GPR158: variants seen among roughly 807,000 people sequenced by gnomAD.
The protein encoded by GPR158 is metabotropic glycine receptor.
GPR158 carries 30 observed loss-of-function variants against 78.2 expected under a neutral mutation model. The observed-to-expected ratio is 0.38, with a 90% CI of 0.29 to 0.52. GPR158 has a LOEUF of 0.52. Ranked by LOEUF, GPR158 falls within the 20% of genes least tolerant of loss-of-function variation. The probability of loss-of-function intolerance (pLI) is 0.83; values close to 1 mark genes in which losing one functional copy is unlikely to be tolerated. For synonymous variants in GPR158, 581 were observed against 591.1 expected, an observed-to-expected ratio of 0.98 and a Z score of 0.25; for missense variants, 1,463 against 1,523.5, an observed-to-expected ratio of 0.96 and a Z score of 0.66.
Position 25,229,876 on chromosome 10 carries a change from T to A in GPR158, c.1008+8719T>A, listed in dbSNP as rs116643837. ...TTTCATAAAGTAATTGCTGTGAAAA[T>A]CCAGCATCCTTCTCAGTAGGAGAGG... On this transcript the variant is annotated intron_variant, in intron 2 of 10. Coordinates refer to ENST00000376351, the MANE Select transcript of GPR158 (RefSeq NM_020752.3). Among the ~76,000 whole-genome samples, 486 of 152,256 alleles carry A rather than the reference T, an allele frequency of 3.2e-3. 5 individuals carry two copies. Among genetic ancestry groups the A allele is most frequent in the African/African-American group, 0.011 (475 of 41,550 alleles).
In GPR158 at chr10:25,249,312, C is replaced by T. The variant is rs200706473; in HGVS notation, c.1008+28155C>T. 1.7e-3 allele frequency among the ~76,000 whole-genome samples: 265 copies of T among 152,308 alleles called. 6 individuals are homozygous for T. In the East Asian group the frequency reaches 0.044, roughly 26 times the overall value. On this transcript the variant is annotated intron_variant, in intron 2 of 10. Coordinates refer to ENST00000376351, the MANE Select transcript of GPR158 (RefSeq NM_020752.3). ...ATTGAATACCCTTTATTTCCTTCTC[C>T]TGCCTAATCGCCCTGGCCAGAACTT...
chr10:25,410,578 T>G (rs1461293678), intron 3 of GPR158, among the ~76,000 whole-genome samples: 5 of 152,176 alleles, frequency 3.3e-5, no homozygotes, highest in Non-Finnish European at 7.4e-5. Flanking sequence ...ATGATGCCAC[T>G]GCACTCCAGC....
At chr10:25,540,605 T>C (rs1256947472) in intron 5 of GPR158, among the ~76,000 whole-genome samples, 5 of 151,980 alleles carry the variant, frequency 3.3e-5, no homozygotes, top group African/African-American at 9.7e-5. Context: ...TGGAATACTA[T>C]GCAGCCATAA....
intron 2 of GPR158, among the ~76,000 whole-genome samples, chr10:25,302,114 CAGGCTGG>C: frequency 6.7e-6 from 1 of 149,646 alleles, no homozygotes; most frequent in East Asian, 1.9e-4. Context: ...CTCTGTCGCC[CAGGCTGG>C]AGTGCAGTGG....
chr10:25,491,920 C>T (rs1324792713), intron 5 of GPR158, among the ~76,000 whole-genome samples: 3 of 152,092 alleles, frequency 2.0e-5, no homozygotes, highest in Non-Finnish European at 4.4e-5. Context: ...TGAAGAACAT[C>T]CTTGTCTTGG....
At chr10:25,419,021 ATGT>A (rs1299868820) in intron 4 of GPR158, among the ~76,000 whole-genome samples, 4 of 152,000 alleles carry the variant, frequency 2.6e-5, no homozygotes, top group East Asian at 1.9e-4. Context: ...GTTAATTATG[ATGT>A]TCTAATGACT....
chr10:25,568,321 C>T (rs112256772), intron 6 of GPR158, among the ~76,000 whole-genome samples: 15 of 152,262 alleles, frequency 9.9e-5, no homozygotes, highest in African/African-American at 3.4e-4. Flanking sequence ...AACATGGCCA[C>T]ATTTAGGAGA....
chr10:25,367,813 A>T (rs1435224290), intron 2 of GPR158, among the ~76,000 whole-genome samples: 1 of 151,536 alleles, frequency 6.6e-6, no homozygotes, highest in Non-Finnish European at 1.5e-5. Context: ...TTGCCTTAAG[A>T]TCTACTTTGT....
intron 1 of GPR158, among the ~76,000 whole-genome samples, chr10:25,189,611 G>C (rs779211581): frequency 4.0e-5 from 6 of 150,470 alleles, no homozygotes; most frequent in Non-Finnish European, 5.9e-5. Context: ...ACAGGAAGGG[G>C]AACATCACAC....
intron 4 of GPR158, among the ~76,000 whole-genome samples, chr10:25,447,218 CAT>C (rs1020828965): frequency 5.3e-5 from 8 of 152,090 alleles, no homozygotes; most frequent in Non-Finnish European, 1.0e-4. Context: ...AATGAGTACA[CAT>C]ATATATTTTA....
At chr10:25,521,408 T>G (rs1836271249) in intron 5 of GPR158, among the ~76,000 whole-genome samples, 2 of 152,228 alleles carry the variant, frequency 1.3e-5, no homozygotes, top group Admixed American at 1.3e-4. Context: ...TGTTATCTAT[T>G]TCACTGAAGA....
intron 1 of GPR158, among the ~76,000 whole-genome samples, chr10:25,200,674 T>C (rs959310252): frequency 6.6e-6 from 1 of 152,152 alleles, no homozygotes; most frequent in African/African-American, 2.4e-5. Flanking sequence ...GATTTTTGTA[T>C]ATGGTGTAAG....
intron 2 of GPR158, among the ~76,000 whole-genome samples, chr10:25,315,588 A>G (rs1854835467): frequency 6.6e-6 from 1 of 152,038 alleles, no homozygotes; most frequent in African/African-American, 2.4e-5. Context: ...CATTGATATG[A>G]CTATTGTATT....
intron 2 of GPR158, among the ~76,000 whole-genome samples, chr10:25,306,995 A>G (rs1854686155): frequency 1.4e-5 from 2 of 146,214 alleles, no homozygotes; most frequent in Non-Finnish European, 3.0e-5. Context: ...ACACACACAC[A>G]CACATACGCA....
At chr10:25,581,335 C>G (rs1837196219) in intron 7 of GPR158, among the ~76,000 whole-genome samples, 2 of 152,198 alleles carry the variant, frequency 1.3e-5, no homozygotes, top group South Asian at 2.1e-4. Context: ...ACTGGGATTA[C>G]AGGCATGAGC....
At chr10:25,560,002 A>G (rs1352620171) in intron 6 of GPR158, among the ~76,000 whole-genome samples, 1 of 152,234 alleles carries the variant, frequency 6.6e-6, no homozygotes, top group Non-Finnish European at 1.5e-5. Context: ...CAACCACCAA[A>G]GAGTAATCAC....
intron 1 of GPR158, among the ~76,000 whole-genome samples, chr10:25,179,313 G>A (rs1402452617): frequency 2.0e-5 from 3 of 152,160 alleles, no homozygotes; most frequent in African/African-American, 4.8e-5. Context: ...AACATGTGAA[G>A]TGTTATTTGC....
In GPR158 at chr10:25,411,933, C is replaced by CA. The variant is rs1164005677; in HGVS notation, c.1112-280dup. ...TGGGCGACAGAGCGAGACTCTATCA[C>CA]AAAAAAAAAAAAAAAAAAAAAAAAA... On this transcript the variant is annotated intron_variant, in intron 3 of 10. Coordinates refer to ENST00000376351, the MANE Select transcript of GPR158 (RefSeq NM_020752.3). Among the ~76,000 whole-genome samples the CA allele has an allele frequency of 8.6e-4, 41 of 47,484 alleles. 5 individuals are homozygous for CA. The highest frequency in any genetic ancestry group is 2.8e-3 in the East Asian group (3 of 1,084). 31.2% of individuals were successfully genotyped at this position (47,484 alleles called of 152,430 possible). A position where few individuals can be genotyped will look rare whatever the true frequency, so the allele number is the denominator to read the frequency against.
intron 2 of GPR158, among the ~76,000 whole-genome samples, chr10:25,224,273 A>AAAACCATTG (rs1853342353): frequency 6.6e-6 from 1 of 151,974 alleles, no homozygotes; most frequent in South Asian, 2.1e-4. Context: ...GAAGTGTAAA[A>AAAACCATTG]AAACCATTGT....
Sources: gnomAD v4.1 joint callset for allele counts (sites outside exome capture counted in the v4.1 genomes callset) on GRCh38, gnomAD v4.1.1 for gene constraint, MANE v1.5 for transcripts, NCBI Gene and HGNC (gene_info 2026-07-23, HGNC 2026-07-21) for gene names.